Variants in SEC23A observed in about 807,000 individuals in gnomAD.
SEC23A encodes SEC23 homolog A, COPII component, also known as protein transport protein Sec23A.
A neutral mutation model predicts 103.7 loss-of-function variants in SEC23A; 56 were observed. The observed-to-expected ratio is 0.54, with a 90% CI of 0.44 to 0.67. The LOEUF is 0.67. Ranked by LOEUF, SEC23A falls within the 30% of genes least tolerant of loss-of-function variation. The pLI is 0.00. For missense variants in SEC23A, 784 were observed against 936.4 expected (o/e 0.84, Z 2.12); for synonymous variants, 281 against 293.0 (o/e 0.96, Z 0.42).
chr14:39,094,115 G>A (rs1887757159), intron 2 of SEC23A, among the ~76,000 whole-genome samples: 2 of 151,068 alleles, frequency 1.3e-5, no homozygotes, highest in South Asian at 4.2e-4. Context: ...TTGAACTCCT[G>A]GCTCAAGTGT....
intron 5 of SEC23A, chr14:39,088,733 A>C (rs1165501756): frequency 2.0e-5 from 3 of 151,774 alleles, no homozygotes; most frequent in African/African-American, 7.3e-5. Context: ...ACTCTGTCTC[A>C]GACAAACAAA....
chr14:39,090,792 T>C, intron 5 of SEC23A: 2 of 178,298 alleles, frequency 1.1e-5, no homozygotes, highest in Non-Finnish European at 2.3e-5. Context: ...TGTATCTCCT[T>C]GGACCTCATT....
intron 16 of SEC23A, among the ~76,000 whole-genome samples, chr14:39,044,340 G>A (rs1221910015): frequency 6.6e-6 from 1 of 151,818 alleles, no homozygotes; most frequent in Non-Finnish European, 1.5e-5. Flanking sequence ...AGAATACAAG[G>A]CAAAATACAT....
chr14:39,075,671 T>G (rs1886988921), intron 8 of SEC23A, among the ~76,000 whole-genome samples: 3 of 152,206 alleles, frequency 2.0e-5, no homozygotes, highest in South Asian at 4.1e-4. Context: ...CATGAATATT[T>G]AAAAAGGCAT....
intron 19 of SEC23A, among the ~76,000 whole-genome samples, chr14:39,037,174 C>T (rs1885490647): frequency 1.3e-5 from 2 of 152,142 alleles, no homozygotes; most frequent in African/African-American, 4.8e-5. Flanking sequence ...GACTTTATCA[C>T]CTTTCTCATT....
At chr14:39,090,094 A>C (rs777308479) in intron 5 of SEC23A, among the ~76,000 whole-genome samples, 19 of 152,186 alleles carry the variant, frequency 1.2e-4, no homozygotes, top group Admixed American at 3.3e-4. Flanking sequence ...AGTTAACTGC[A>C]GCACCACTAC....
chr14:39,087,158 G>A (rs1887473282), intron 5 of SEC23A, 150 bp from the exon 6 acceptor site: 1 of 649,528 alleles, frequency 1.5e-6, no homozygotes, highest in Non-Finnish European at 2.8e-6. Flanking sequence ...AGAATCCAGT[G>A]GGAGAGATTA....
At chr14:39,082,653 G>A (rs1446611365) in intron 7 of SEC23A, among the ~76,000 whole-genome samples, 1 of 152,134 alleles carries the variant, frequency 6.6e-6, no homozygotes, top group Non-Finnish European at 1.5e-5. Flanking sequence ...ATTTTAAAGT[G>A]GAGAGCCCTG....
chr14:39,049,972 G>A (rs971986208), intron 14 of SEC23A, among the ~76,000 whole-genome samples: 1 of 151,910 alleles, frequency 6.6e-6, no homozygotes, highest in Non-Finnish European at 1.5e-5. Context: ...GTTTCACTGT[G>A]TTAGCCAGGA....
chr14:39,081,457 A>C (rs2139266003), intron 7 of SEC23A, among the ~76,000 whole-genome samples: 1 of 152,340 alleles, frequency 6.6e-6, no homozygotes, highest in South Asian at 2.1e-4. Flanking sequence ...AATCACACTA[A>C]GGGCAGTGGA....
At position 39,085,687 on chromosome 14, in the gene SEC23A, T is replaced by TACAC. The variant is rs1276785608; in HGVS notation, c.828+74_828+75insGTGT. 5,546 of 1,176,210 alleles carry TACAC rather than the reference T, an allele frequency of 4.7e-3. 15 individuals are homozygous for TACAC. Among genetic ancestry groups the TACAC allele is most frequent in the African/African-American group, 0.017 (867 of 51,618 alleles). The allele number at this position is 1,176,210 out of a possible 1,614,324, so 72.9% of individuals were successfully genotyped here. ...GGTTCTTCTTATCCTTATAATTATA[T>TACAC]ATACACACACACACACACACACACA... On this transcript the variant is annotated intron_variant, in intron 7 of 19. Coordinates refer to ENST00000307712, the MANE Select transcript of SEC23A (RefSeq NM_006364.4).
At chr14:39,038,023 A>G (rs911145755) in intron 19 of SEC23A, among the ~76,000 whole-genome samples, 9 of 152,136 alleles carry the variant, frequency 5.9e-5, no homozygotes, top group Admixed American at 5.2e-4. Flanking sequence ...ATGACTCTCC[A>G]TTACTTACCA....
intron 13 of SEC23A, among the ~76,000 whole-genome samples, chr14:39,060,460 A>G (rs1886437799): frequency 6.6e-6 from 1 of 152,182 alleles, no homozygotes; most frequent in African/African-American, 2.4e-5. Flanking sequence ...GAGAGCTACA[A>G]ATGCCTTCCT....
chr14:39,055,668 C>T (rs913055786), intron 13 of SEC23A, among the ~76,000 whole-genome samples: 3 of 152,156 alleles, frequency 2.0e-5, no homozygotes, highest in African/African-American at 4.8e-5. Flanking sequence ...ATTAGGCTAA[C>T]TCATCCCAAA....
chr14:39,092,733 C>T lies in SEC23A; in HGVS notation c.280-106G>A, dbSNP rs188014949. ...GATCATTTAATTATTTTTAAAAAGG[C>T]ATTTTCATTAAATGAGAAATAATTA... is the stretch of plus-strand genomic sequence containing the variant. On this transcript the variant is annotated intron_variant, in intron 3 of 19. Coordinates refer to ENST00000307712, the MANE Select transcript of SEC23A (RefSeq NM_006364.4). The T allele has an allele frequency of 1.9e-5, 13 of 676,582 alleles. No homozygotes were observed. In the East Asian group the frequency reaches 3.4e-4, roughly 18 times the overall value. The allele number at this position is 676,582 out of a possible 1,614,324, so 41.9% of individuals were successfully genotyped here. A position where few individuals can be genotyped will look rare whatever the true frequency, so the allele number is the denominator to read the frequency against.
chr14:39,096,580 A>G (rs1887901267), intron 1 of SEC23A, among the ~76,000 whole-genome samples: 1 of 152,144 alleles, frequency 6.6e-6, no homozygotes, highest in African/African-American at 2.4e-5. Flanking sequence ...TCAGAAAAAA[A>G]TTAGCAAGCA....
chr14:39,095,032 T>C (rs1247109374), intron 2 of SEC23A: 4 of 697,108 alleles, frequency 5.7e-6, no homozygotes, highest in Admixed American at 2.1e-5. Context: ...AAGACAAGAA[T>C]AGAAACAGGG....
chr14:39,097,934 A>G (rs1292906039), intron 1 of SEC23A, among the ~76,000 whole-genome samples: 1 of 151,810 alleles, frequency 6.6e-6, no homozygotes, highest in Non-Finnish European at 1.5e-5. Context: ...AAAACACACA[A>G]AAAAATTAGC....
At chr14:39,062,050 G>A (rs887803421) in intron 12 of SEC23A, among the ~76,000 whole-genome samples, 179 bp from the exon 13 acceptor site, 1 of 152,110 alleles carries the variant, frequency 6.6e-6, no homozygotes, top group Non-Finnish European at 1.5e-5. Flanking sequence ...AAATTAATTT[G>A]GAGAGGAGGA....
Sources: gnomAD v4.1 joint callset for allele counts (sites outside exome capture counted in the v4.1 genomes callset) on GRCh38, gnomAD v4.1.1 for gene constraint, MANE v1.5 for transcripts, NCBI Gene and HGNC (gene_info 2026-07-23, HGNC 2026-07-21) for gene names.